The following KPTN variants were observed in gnomAD, a reference collection of about 807,000 sequenced individuals.
KPTN encodes the protein KICSTOR complex protein kaptin.
KPTN carries 36 observed loss-of-function variants against 52.6 expected under a neutral mutation model. The observed-to-expected ratio is 0.68, with a 90% CI of 0.52 to 0.90. KPTN has a LOEUF of 0.90. Among genes scored for constraint, KPTN ranks in the 40% least tolerant of loss-of-function variants. The pLI, the probability that KPTN is intolerant of heterozygous loss-of-function variation, is 0.00. For missense variants in KPTN, 529 were observed against 576.2 expected, an observed-to-expected ratio of 0.92 and a Z score of 0.84; for synonymous variants, 271 against 248.4, an observed-to-expected ratio of 1.09 and a Z score of -0.85.
rs1187144991 is a variant in KPTN at position 47,480,369 on chromosome 19, G to A, written c.638C>T (p.Ser213Phe). 2.6e-6 allele frequency: 4 copies of A among 1,549,478 alleles called. No homozygotes were observed. Among genetic ancestry groups the A allele is most frequent in the East Asian group, 2.4e-5 (1 of 40,830 alleles). ...ACAGCCCAGAGCTGAGAGGCGCCGG[G>A]ACGTGCCGGGGAAGTTGTGGACGTC... is the stretch of plus-strand genomic sequence containing the variant. Reference protein sequence around the residue: ...WLDVHNFPGTSRRLSALGCQS... With the variant: ...WLDVHNFPGTFRRLSALGCQS... Residue 213 changes from serine (S) to phenylalanine (F), a missense_variant, in exon 7 of 12, where the codon TCC (serine) becomes TTC (phenylalanine). Coordinates refer to ENST00000338134, the MANE Select transcript of KPTN (RefSeq NM_007059.4).
upstream of KPTN, chr19:47,484,282 A>T: frequency 7.7e-7 from 1 of 1,291,426 alleles, no homozygotes; most frequent in East Asian, 2.6e-5. Flanking sequence ...GACGTACGGA[A>T]GCTGCCGGCG....
At chr19:47,477,557 C>G in intron 9 of KPTN, 149 bp downstream of exon 9, 2 of 566,922 alleles carry the variant, frequency 3.5e-6, no homozygotes, top group Admixed American at 5.2e-5. Context: ...CTTCAATATT[C>G]ACAGCCCCCA....
At chr19:47,475,593 G>A in intron 11 of KPTN, 49 bp from the exon 12 acceptor site, 1 of 1,599,920 alleles carries the variant, frequency 6.3e-7, no homozygotes, top group Non-Finnish European at 8.5e-7. Flanking sequence ...AAGAGCTGTG[G>A]GACCACAGCG....
chr19:47,483,423 A>G (rs1599879224), intron 2 of KPTN, 44 bp from the exon 3 acceptor site: 7 of 1,603,508 alleles, frequency 4.4e-6, no homozygotes, highest in Non-Finnish European at 6.0e-6. Context: ...GGGTGGCAGG[A>G]GGGATCCGGG....
intron 1 of KPTN, 159 bp downstream of exon 1, chr19:47,483,776 T>G (rs1299997414): frequency 1.9e-6 from 2 of 1,047,816 alleles, no homozygotes; most frequent in African/African-American, 3.2e-5. Flanking sequence ...CCTAGGCTCA[T>G]CCGGGCCCCA....
chr19:47,481,904 A>G (rs1362277951), intron 4 of KPTN, among the ~76,000 whole-genome samples: 1 of 152,232 alleles, frequency 6.6e-6, no homozygotes, highest in African/African-American at 2.4e-5. Context: ...TCTATGTTCT[A>G]TCTCCTCGAA....
At position 47,476,635 on chromosome 19, in the gene KPTN, CG is replaced by C. The variant is rs1306502507; in HGVS notation, c.1078del (p.Arg360GlyfsTer15). 1 of 1,612,758 alleles carries C rather than the reference CG, an allele frequency of 6.2e-7. No individual in the cohort carries two copies. Among genetic ancestry groups the C allele is most frequent in the Non-Finnish European group, 8.5e-7 (1 of 1,179,806 alleles). ...AQHGFHLLWQ[R>X]SFSSPLLAMA... The stretch of plus-strand genomic sequence containing the variant: ...GGCCAGCAGGGGACTGGAGAAGCTC[CG>C]CTGCCACAGCAGATGGAACCCGTGC... On this transcript the variant is annotated frameshift_variant, in exon 11 of 12. Transcript: ENST00000338134. LOFTEE classifies it high-confidence loss of function.
At chr19:47,480,614 C>T (rs1308123457) in intron 6 of KPTN, 146 bp downstream of exon 6, 9 of 835,648 alleles carry the variant, frequency 1.1e-5, no homozygotes, top group Non-Finnish European at 1.8e-5. Context: ...TGGGGTCACC[C>T]CTGCTGATCA....
intron 8 of KPTN, among the ~76,000 whole-genome samples, chr19:47,478,587 A>AAAAAAAAAAAAAAC (rs1383085284): frequency 1.4e-5 from 2 of 147,960 alleles, no homozygotes; most frequent in Non-Finnish European, 3.0e-5. Context: ...AAAAAAAAAA[A>AAAAAAAAAAAAAAC]AGACATTTGT....
intron 4 of KPTN, among the ~76,000 whole-genome samples, chr19:47,482,826 C>T (rs1440159207): frequency 7.2e-5 from 11 of 152,188 alleles, no homozygotes; most frequent in Admixed American, 6.5e-4. Flanking sequence ...CTGCCTCAGC[C>T]TCCTGAGTAG....
chr19:47,479,130 C>A (rs1331042163), intron 8 of KPTN, among the ~76,000 whole-genome samples: 1 of 152,228 alleles, frequency 6.6e-6, no homozygotes, highest in Admixed American at 6.5e-5. Flanking sequence ...GCCACTTCCA[C>A]ATCCTGGGTT....
At chr19:47,477,923 G>C (rs1967730658) in intron 8 of KPTN, 142 bp from the exon 9 acceptor site, 1 of 565,696 alleles carries the variant, frequency 1.8e-6, no homozygotes. Flanking sequence ...AGCCGGGCAT[G>C]GTGGCGGGCA....
intron 5 of KPTN, 45 bp from the exon 6 acceptor site, chr19:47,480,878 C>T (rs1967855594): frequency 6.2e-7 from 1 of 1,612,490 alleles, no homozygotes; most frequent in African/African-American, 1.3e-5. Flanking sequence ...AGTCAGCCGT[C>T]AGCTTCACAC....
intron 4 of KPTN, chr19:47,481,729 G>C (rs1967883514): frequency 6.6e-6 from 1 of 152,254 alleles, no homozygotes; most frequent in African/African-American, 2.4e-5. Flanking sequence ...AAAGTGAGTA[G>C]TTGTGACAGA....
intron 11 of KPTN, among the ~76,000 whole-genome samples, 186 bp downstream of exon 11, chr19:47,476,346 A>T (rs1318923121): frequency 3.4e-5 from 3 of 89,290 alleles, no homozygotes; most frequent in African/African-American, 1.3e-4. Flanking sequence ...AATCTCCTTC[A>T]CCAGGCCGGT....
intron 9 of KPTN, among the ~76,000 whole-genome samples, chr19:47,477,157 AC>A (rs1197145366): frequency 2.0e-5 from 3 of 152,030 alleles, no homozygotes; most frequent in African/African-American, 4.8e-5. Context: ...AGACCATCTC[AC>A]TCCCAAATGG....
rs1413740799 is a variant in KPTN, at chr19:47,477,768, C to A, written c.801G>T (p.Arg267Ser). ...SLSAAKETKD[R>S]PLQDEYSVLV... Reference sequence around the variant, plus strand: ...GCACGCTGTACTCATCTTGTAGTGGCCTGTCCTTGGTCTCTGGAGAAGAAA... The same window carrying A: ...GCACGCTGTACTCATCTTGTAGTGGACTGTCCTTGGTCTCTGGAGAAGAAA... The change falls in exon 9 of 12, where the codon AGG (arginine) becomes AGT (serine). Residue 267 changes from arginine to serine, a missense_variant. Coordinates refer to ENST00000338134, the MANE Select transcript of KPTN (RefSeq NM_007059.4). 3.1e-6 allele frequency: 5 copies of A among 1,613,308 alleles called. No individual in the cohort carries two copies. Among genetic ancestry groups the A allele is most frequent in the Non-Finnish European group, 4.2e-6 (5 of 1,179,412 alleles).
intron 6 of KPTN, 45 bp downstream of exon 6, chr19:47,480,715 G>A (rs372867397): frequency 3.8e-6 from 6 of 1,565,932 alleles, no homozygotes; most frequent in Non-Finnish European, 2.6e-6. Flanking sequence ...TTTCTCTGAT[G>A]TCAGTGCCCC....
At chr19:47,482,775 G>A (rs1016362205) in intron 4 of KPTN, among the ~76,000 whole-genome samples, 1 of 151,830 alleles carries the variant, frequency 6.6e-6, no homozygotes, top group African/African-American at 2.4e-5. Flanking sequence ...GTGCAATCTT[G>A]GCTCACTGCA....
Sources: allele counts gnomAD v4.1 joint callset (sites outside exome capture counted in the v4.1 genomes callset), GRCh38; gene constraint gnomAD v4.1.1; transcripts MANE v1.5; gene names NCBI Gene and HGNC (gene_info 2026-07-23, HGNC 2026-07-21).